The following PDE1A variants were observed in gnomAD, a reference collection of about 807,000 sequenced individuals.
PDE1A encodes dual specificity calcium/calmodulin-dependent 3',5'-cyclic nucleotide phosphodiesterase 1A.
PDE1A carries 35 observed loss-of-function variants against 61.7 expected under a neutral mutation model. The observed-to-expected ratio is 0.57, with a 90% CI of 0.43 to 0.75. The LOEUF (loss-of-function observed/expected upper bound fraction) is 0.75. PDE1A is among the 30% of genes least tolerant of loss of function. PDE1A has a pLI of 0.00. For missense variants in PDE1A, 597 were observed against 630.6 expected (o/e 0.95, Z 0.57); for synonymous variants, 232 against 213.2 (o/e 1.09, Z -0.77).
At chr2:182,429,183 C>G (rs1703792099), upstream of PDE1A, among the ~76,000 whole-genome samples, 1 of 152,056 alleles carries the variant, frequency 6.6e-6, no homozygotes, top group Non-Finnish European at 1.5e-5. Flanking sequence ...TAAATATTCA[C>G]TGGGCACAAA....
rs373373421 is a variant in PDE1A at position 182,373,795 on chromosome 2, T to C, written c.53+52783A>G. Reference sequence around the variant, plus strand: ...AATTCAGGCAGGGACAGATTAAAAATACATGTAACAAGAAATGCTTGGGGG... The same window carrying C: ...AATTCAGGCAGGGACAGATTAAAAACACATGTAACAAGAAATGCTTGGGGG... On this transcript the variant is annotated intron_variant, in intron 1 of 13. Coordinates refer to ENST00000351439, the Ensembl canonical transcript of PDE1A. Among the ~76,000 whole-genome samples the C allele has an allele frequency of 7.9e-5, 12 of 152,176 alleles. No homozygotes were observed. In the East Asian group the frequency reaches 9.7e-4, roughly 12 times the overall value.
intron 1 of PDE1A, among the ~76,000 whole-genome samples, chr2:182,420,970 G>A (rs1015067320): frequency 2.0e-5 from 3 of 152,078 alleles, no homozygotes; most frequent in Non-Finnish European, 4.4e-5. Flanking sequence ...ACTACATTAT[G>A]TCCAGTCACA....
intron 1 of PDE1A, among the ~76,000 whole-genome samples, chr2:182,312,517 T>C (rs1467426822): frequency 2.6e-5 from 4 of 152,180 alleles, no homozygotes; most frequent in African/African-American, 9.6e-5. Context: ...TTTATTTCTA[T>C]ACATAGACAT....
intron 2 of PDE1A, among the ~76,000 whole-genome samples, chr2:182,473,483 C>CT (rs1310996328): frequency 3.3e-5 from 5 of 151,690 alleles, no homozygotes; most frequent in African/African-American, 1.2e-4. Flanking sequence ...TGAACAGGCA[C>CT]TTTTTTTCTT....
At chr2:182,716,430 G>C in the PDE1A span, 1 of 152,526 alleles carries the variant, frequency 6.6e-6, no homozygotes, top group African/African-American at 2.4e-5. Context: ...GGGGTCCGCC[G>C]CCAGGGTTTG....
intron 1 of PDE1A, among the ~76,000 whole-genome samples, chr2:182,387,753 A>G (rs1490945614): frequency 2.0e-5 from 3 of 151,424 alleles, no homozygotes; most frequent in East Asian, 3.9e-4. Flanking sequence ...GTAAAACTCC[A>G]TCTTAAAAAA....
chr2:182,561,455 G>A, the PDE1A span, among the ~76,000 whole-genome samples: 3 of 152,188 alleles, frequency 2.0e-5, no homozygotes, highest in African/African-American at 7.2e-5. Context: ...TTTGGTTACT[G>A]TAGTCTGGTA....
chr2:182,198,724 T>C (rs781738758), intron 10 of PDE1A, among the ~76,000 whole-genome samples: 1 of 151,838 alleles, frequency 6.6e-6, no homozygotes, highest in African/African-American at 2.4e-5. Context: ...GCTAAAAATT[T>C]TAAAAATTAA....
chr2:182,248,608 A>T (rs988275468), intron 2 of PDE1A, among the ~76,000 whole-genome samples: 3 of 152,202 alleles, frequency 2.0e-5, no homozygotes, highest in Admixed American at 2.0e-4. Context: ...GAAGGGAAGT[A>T]AAGAAGGAGG....
the PDE1A span, among the ~76,000 whole-genome samples, chr2:182,589,068 T>C: frequency 6.9e-6 from 1 of 145,784 alleles, no homozygotes; most frequent in Admixed American, 6.9e-5. Context: ...ATAATAATAA[T>C]AATAATAATA....
intron 1 of PDE1A, among the ~76,000 whole-genome samples, chr2:182,348,681 C>T (rs1390967730): frequency 6.6e-6 from 1 of 151,630 alleles, no homozygotes; most frequent in Non-Finnish European, 1.5e-5. Flanking sequence ...TTCTTTGATC[C>T]ATAAAGTAGT....
Position 182,229,967 on chromosome 2 carries a change from TTCCAAACTAACAAACCTCAGTTAC to T in PDE1A, c.675+15_675+38del, listed in dbSNP as rs748448949. 23 of 1,567,680 alleles carry T rather than the reference TTCCAAACTAACAAACCTCAGTTAC, an allele frequency of 1.5e-5. No individual in the cohort carries two copies. The Admixed American group carries it at 4.0e-4, about 27-fold the overall frequency. On this transcript the variant is annotated intron_variant, in intron 6 of 13. Transcript: ENST00000351439. ...TTATAGGAATGGAAGTTTGGAATGC[TTCCAAACTAACAAACCTCAGTTAC>T]AAAGACTGTCTTACCATGATACCTG...
chr2:182,714,747 T>C, the PDE1A span, among the ~76,000 whole-genome samples: 18 of 152,094 alleles, frequency 1.2e-4, no homozygotes, highest in East Asian at 3.1e-3. Context: ...TTAGTAGAGA[T>C]GGGATTTCAC....
At chr2:182,263,241 G>T (rs1427448102) in intron 2 of PDE1A, among the ~76,000 whole-genome samples, 1 of 152,006 alleles carries the variant, frequency 6.6e-6, no homozygotes, top group East Asian at 1.9e-4. Flanking sequence ...CTAGACTGGT[G>T]GTTTTGCTGT....
chr2:182,687,664 G>A, the PDE1A span, among the ~76,000 whole-genome samples: 1,388 of 152,266 alleles, frequency 9.1e-3, 14 homozygotes, highest in South Asian at 0.054. Flanking sequence ...CACCAGCAAC[G>A]AAACAAAGCT....
the PDE1A span, among the ~76,000 whole-genome samples, chr2:182,683,920 G>C: frequency 3.3e-5 from 5 of 151,960 alleles, no homozygotes; most frequent in Non-Finnish European, 7.4e-5. Context: ...AGGAGATCGA[G>C]ACCAGCCAGA....
Position 182,494,801 on chromosome 2 carries a change from G to A in PDE1A, c.101+27475C>T, listed in dbSNP as rs112771050. Among the ~76,000 whole-genome samples, 1,520 of 152,122 alleles carry A rather than the reference G, an allele frequency of 1.0e-2. 9 individuals are homozygous for A. The highest frequency in any genetic ancestry group is 0.015 in the Non-Finnish European group (1,041 of 67,998). On this transcript the variant is annotated intron_variant, in intron 2 of 14. Coordinates refer to the PDE1A transcript ENST00000410103. The stretch of plus-strand genomic sequence containing the variant: ...ACTCTCCAACTTACTAGGCTCCAGG[G>A]GAAAGGAATTAGGAGAAACAGCACA...
At chr2:182,402,446 T>C (rs1559424031) in intron 1 of PDE1A, among the ~76,000 whole-genome samples, 1 of 152,168 alleles carries the variant, frequency 6.6e-6, no homozygotes, top group African/African-American at 2.4e-5. Flanking sequence ...GTTTAATAAA[T>C]GGTATTGGGA....
chr2:182,423,947 CTTTT>C lies in PDE1A; in HGVS notation c.53+2627_53+2630del, dbSNP rs562590310. 9.7e-5 allele frequency among the ~76,000 whole-genome samples: 13 copies of C among 134,290 alleles called. 1 individual carries two copies. The highest frequency in any genetic ancestry group is 6.8e-4 in the Admixed American group (9 of 13,196). The allele number at this position is 134,290 out of a possible 152,430, so 88.1% of individuals were successfully genotyped here. The stretch of plus-strand genomic sequence containing the variant: ...TCAAAAAAAAAAATCCTGGATTAAC[CTTTT>C]TTTTTTTTTTTTTGATGGGGTCTCA... On this transcript the variant is annotated intron_variant, in intron 1 of 13. Coordinates refer to ENST00000351439, the Ensembl canonical transcript of PDE1A.
Sources: allele counts gnomAD v4.1 joint callset (sites outside exome capture counted in the v4.1 genomes callset), GRCh38; gene constraint gnomAD v4.1.1; transcripts MANE v1.5; gene names NCBI Gene and HGNC (gene_info 2026-07-23, HGNC 2026-07-21).